The following ACSM3 variants were observed in gnomAD, a reference collection of about 807,000 sequenced individuals.
The protein encoded by ACSM3 is acyl-coenzyme A synthetase ACSM3, mitochondrial.
In ACSM3, 61 loss-of-function variants were observed where a neutral mutation model predicts 74.1. The observed-to-expected ratio is 0.82, with a 90% confidence interval of 0.67 to 1.02. The LOEUF (loss-of-function observed/expected upper bound fraction) is 1.02. ACSM3 is among the 50% of genes least tolerant of loss of function. The pLI is 0.00. For missense variants in ACSM3, 660 were observed against 697.0 expected (o/e 0.95, Z 0.60); for synonymous variants, 213 against 241.5 (o/e 0.88, Z 1.09).
chr16:20,731,180 G>A (rs894405957), intron 1 of ACSM3, among the ~76,000 whole-genome samples: 3 of 152,070 alleles, frequency 2.0e-5, no homozygotes, highest in Non-Finnish European at 2.9e-5. Context: ...CCTGAGATTT[G>A]ATCTCCCAGG....
intron 1 of ACSM3, among the ~76,000 whole-genome samples, chr16:20,685,836 C>A (rs231919): frequency 0.83 from 90,044 of 108,004 alleles, 36,077 homozygotes; most frequent in Admixed American, 0.88. Flanking sequence ...AAAAAACAAA[C>A]AAAAAAAAAA....
intron 1 of ACSM3, among the ~76,000 whole-genome samples, chr16:20,686,691 G>T (rs2079559129): frequency 6.6e-6 from 1 of 152,108 alleles, no homozygotes; most frequent in Non-Finnish European, 1.5e-5. Context: ...GCACACACCT[G>T]TGGTCCCAGC....
chr16:20,748,107 A>G (rs2079965519), intron 1 of ACSM3, among the ~76,000 whole-genome samples: 1 of 152,100 alleles, frequency 6.6e-6, no homozygotes, highest in Admixed American at 6.6e-5. Context: ...ACTGTACTCC[A>G]GCCTGGGGGG....
At chr16:20,770,713 C>G (rs1417811298) in intron 2 of ACSM3, among the ~76,000 whole-genome samples, 1 of 152,042 alleles carries the variant, frequency 6.6e-6, no homozygotes, top group South Asian at 2.1e-4. Flanking sequence ...CTTCCAACGT[C>G]TAGAAATAAG....
At chr16:20,769,062 A>G (rs958681030) in intron 1 of ACSM3, among the ~76,000 whole-genome samples, 4 of 152,232 alleles carry the variant, frequency 2.6e-5, no homozygotes, top group Non-Finnish European at 4.4e-5. Flanking sequence ...TTGGCAATGT[A>G]TCAATACAGA....
chr16:20,796,344 C>T, intron 12 of ACSM3, 26 bp from the exon 13 acceptor site: 1 of 1,601,024 alleles, frequency 6.2e-7, no homozygotes. Flanking sequence ...AACTCATTTT[C>T]CTGGTGTTTC....
At chr16:20,711,753 G>A in intron 1 of ACSM3, 1 of 393,670 alleles carries the variant, frequency 2.5e-6, no homozygotes, top group East Asian at 6.4e-5. Context: ...GAATATCTTT[G>A]CCTCCAAGGA....
At chr16:20,694,645 A>G (rs1426819590) in intron 1 of ACSM3, among the ~76,000 whole-genome samples, 2 of 152,206 alleles carry the variant, frequency 1.3e-5, no homozygotes, top group African/African-American at 4.8e-5. Flanking sequence ...CTAAGTGACT[A>G]AAGACCAAAA....
intron 1 of ACSM3, among the ~76,000 whole-genome samples, chr16:20,704,284 GTAT>G (rs2079721094): frequency 6.6e-6 from 1 of 152,144 alleles, no homozygotes; most frequent in Non-Finnish European, 1.5e-5. Context: ...GTGAAAGGTA[GTAT>G]TATTACTACG....
chr16:20,758,735 T>A (rs1832499803), intron 3 of ACSM3, among the ~76,000 whole-genome samples: 1 of 151,168 alleles, frequency 6.6e-6, no homozygotes, highest in African/African-American at 2.4e-5. Context: ...GTGTCAATTT[T>A]GGATCTTTCC....
At chr16:20,743,924 T>G (rs2079947486) in intron 1 of ACSM3, 1 of 152,216 alleles carries the variant, frequency 6.6e-6, no homozygotes, top group Non-Finnish European at 1.5e-5. Context: ...CCAAGCATAT[T>G]TGAGTACTAT....
chr16:20,778,910 C>T (rs1820418841), intron 4 of ACSM3, among the ~76,000 whole-genome samples: 1 of 152,136 alleles, frequency 6.6e-6, no homozygotes, highest in African/African-American at 2.4e-5. Context: ...GCCACTATGC[C>T]CACCTAATCT....
chr16:20,679,976 G>A (rs2079405274), intron 1 of ACSM3: 1 of 152,094 alleles, frequency 6.6e-6, no homozygotes, highest in African/African-American at 2.4e-5. Flanking sequence ...AAAAAAAACA[G>A]AAGCAGTCTG....
intron 3 of ACSM3, among the ~76,000 whole-genome samples, chr16:20,757,400 G>A (rs2080040341): frequency 6.6e-6 from 1 of 151,606 alleles, no homozygotes; most frequent in Admixed American, 6.6e-5. Flanking sequence ...TGAAGCAATT[G>A]TGAATGGGAG....
chr16:20,705,387 A>AC (rs916461836), intron 1 of ACSM3, among the ~76,000 whole-genome samples: 1 of 151,898 alleles, frequency 6.6e-6, no homozygotes, highest in Non-Finnish European at 1.5e-5. Context: ...AAAAAAAAAA[A>AC]AACAACTTCA....
chr16:20,718,268 C>A, intron 1 of ACSM3: 1 of 314,926 alleles, frequency 3.2e-6, no homozygotes, highest in Non-Finnish European at 5.5e-6. Flanking sequence ...AACAAGAGGG[C>A]ATAAGTAGCT....
intron 1 of ACSM3, among the ~76,000 whole-genome samples, chr16:20,704,945 A>G (rs1211352518): frequency 6.6e-6 from 1 of 152,236 alleles, no homozygotes; most frequent in Non-Finnish European, 1.5e-5. Flanking sequence ...ATTCATAACT[A>G]GAATTTAATT....
chr16:20,783,101 C>G (rs1182650004), intron 7 of ACSM3: 1 of 152,196 alleles, frequency 6.6e-6, no homozygotes, highest in African/African-American at 2.4e-5. Flanking sequence ...CTGGCTTAGT[C>G]TTTCTTGTGA....
intron 12 of ACSM3, chr16:20,796,142 G>A: frequency 1.7e-6 from 1 of 585,710 alleles, no homozygotes; most frequent in Non-Finnish European, 2.8e-6. Flanking sequence ...CCCATGCTGA[G>A]GGCTAGGCTG....
Sources: allele counts gnomAD v4.1 joint callset (sites outside exome capture counted in the v4.1 genomes callset), GRCh38; gene constraint gnomAD v4.1.1; transcripts MANE v1.5; gene names NCBI Gene and HGNC (gene_info 2026-07-23, HGNC 2026-07-21).